The following NCKAP5 variants were observed in gnomAD, a reference collection of about 807,000 sequenced individuals.
The protein encoded by NCKAP5 is nck-associated protein 5.
In NCKAP5, 92 loss-of-function variants were observed where a neutral mutation model predicts 167.0. The ratio of observed to expected loss-of-function variants is 0.55; its 90% CI spans 0.47 to 0.66. The LOEUF (loss-of-function observed/expected upper bound fraction) is 0.66, where lower values mean the gene tolerates loss of function less well. Among genes scored for constraint, NCKAP5 ranks in the 30% least tolerant of loss-of-function variants. The probability of loss-of-function intolerance (pLI) is 0.00; values close to 1 mark genes in which losing one functional copy is unlikely to be tolerated. For synonymous variants in NCKAP5, 891 were observed against 877.4 expected (o/e 1.02, Z -0.27); for missense variants, 2,378 against 2,315.0 (o/e 1.03, Z -0.56).
At chr2:133,029,760 AC>A (rs1447153533) in intron 6 of NCKAP5, among the ~76,000 whole-genome samples, 1 of 152,206 alleles carries the variant, frequency 6.6e-6, no homozygotes, top group African/African-American at 2.4e-5. Context: ...GCTAGGGGAC[AC>A]AAAAAAGAAA....
intron 6 of NCKAP5, among the ~76,000 whole-genome samples, chr2:133,027,315 T>C (rs923990028): frequency 1.3e-5 from 2 of 152,214 alleles, no homozygotes; most frequent in Non-Finnish European, 1.5e-5. Context: ...AGCTCCTAAT[T>C]TAAAGGATTA....
At chr2:133,333,705 C>T (rs1432523258) in intron 3 of NCKAP5, 1 of 152,178 alleles carries the variant, frequency 6.6e-6, no homozygotes, top group Non-Finnish European at 1.5e-5. Flanking sequence ...TGCTGAACAC[C>T]ATGCAAGAGA....
intron 5 of NCKAP5, among the ~76,000 whole-genome samples, chr2:133,212,905 A>G (rs2086270097): frequency 6.6e-6 from 1 of 152,202 alleles, no homozygotes; most frequent in Non-Finnish European, 1.5e-5. Context: ...TGGCCTGTCA[A>G]TTAACTCTCA....
At chr2:133,608,814 T>A in the NCKAP5 span, among the ~76,000 whole-genome samples, 2 of 152,184 alleles carry the variant, frequency 1.3e-5, no homozygotes, top group African/African-American at 4.8e-5. Flanking sequence ...AGATTATTGG[T>A]TTCCCATTAT....
At chr2:133,423,307 T>C (rs1689597100) in intron 3 of NCKAP5, among the ~76,000 whole-genome samples, 1 of 152,172 alleles carries the variant, frequency 6.6e-6, no homozygotes, top group South Asian at 2.1e-4. Context: ...AGTCAGTGAT[T>C]GTAAGCAGAA....
the NCKAP5 span, among the ~76,000 whole-genome samples, chr2:133,589,850 G>A: frequency 1.3e-5 from 2 of 152,188 alleles, no homozygotes; most frequent in African/African-American, 4.8e-5. Flanking sequence ...ATGAAAAGAA[G>A]AGACTTGCTA....
chr2:133,480,608 C>A (rs1039954308), intron 3 of NCKAP5, among the ~76,000 whole-genome samples: 4 of 152,182 alleles, frequency 2.6e-5, no homozygotes, highest in Non-Finnish European at 5.9e-5. Flanking sequence ...TCTCTTCAAT[C>A]CCTTGGGTAG....
intron 17 of NCKAP5, among the ~76,000 whole-genome samples, chr2:132,729,698 C>T (rs1364422678): frequency 6.6e-6 from 1 of 152,152 alleles, no homozygotes; most frequent in Non-Finnish European, 1.5e-5. Flanking sequence ...TTCCCCACTA[C>T]CCATGAAAGT....
intron 8 of NCKAP5, among the ~76,000 whole-genome samples, chr2:132,918,321 G>T (rs1310782737): frequency 1.3e-5 from 2 of 152,124 alleles, no homozygotes; most frequent in Non-Finnish European, 2.9e-5. Flanking sequence ...CTCTACAGAA[G>T]ATATCAGATA....
intron 16 of NCKAP5, among the ~76,000 whole-genome samples, chr2:132,772,503 C>T (rs1682167791): frequency 6.6e-6 from 1 of 152,102 alleles, no homozygotes; most frequent in Admixed American, 6.5e-5. Context: ...TATATTATTT[C>T]ACAGGCCCAA....
Position 132,694,733 on chromosome 2 carries a change from C to T in NCKAP5, c.5714-21428G>A, listed in dbSNP as rs148634004. Among the ~76,000 whole-genome samples the T allele has an allele frequency of 1.2e-4, 18 of 152,292 alleles. No individual in the cohort carries two copies. The East Asian group carries it at 2.9e-3, about 25-fold the overall frequency. Reference sequence around the variant, plus strand: ...GGCATAATGAACAGTGTATGACCAACGCCTCACTTTGAAGCTTTTCCTAAA... The same window carrying T: ...GGCATAATGAACAGTGTATGACCAATGCCTCACTTTGAAGCTTTTCCTAAA... On this transcript the variant is annotated intron_variant, in intron 19 of 19. Coordinates refer to ENST00000409261, the MANE Select transcript of NCKAP5 (RefSeq NM_207363.3).
At chr2:133,208,429 CA>C (rs1233237081) in intron 5 of NCKAP5, among the ~76,000 whole-genome samples, 1 of 152,034 alleles carries the variant, frequency 6.6e-6, no homozygotes, top group Non-Finnish European at 1.5e-5. Context: ...GTTTACTTCC[CA>C]AAAATATACC....
intron 6 of NCKAP5, among the ~76,000 whole-genome samples, chr2:133,023,265 G>A (rs1451251824): frequency 6.6e-6 from 1 of 152,148 alleles, no homozygotes; most frequent in Non-Finnish European, 1.5e-5. Context: ...AAACTTTTAA[G>A]TTTTCTCCAT....
At chr2:133,178,255 T>C (rs1372677264) in intron 5 of NCKAP5, among the ~76,000 whole-genome samples, 1 of 151,792 alleles carries the variant, frequency 6.6e-6, no homozygotes, top group East Asian at 1.9e-4. Context: ...TCCCAGCACT[T>C]TGGGAGGCCG....
intron 19 of NCKAP5, among the ~76,000 whole-genome samples, chr2:132,722,330 G>A (rs974407734): frequency 6.6e-6 from 1 of 152,198 alleles, no homozygotes; most frequent in Non-Finnish European, 1.5e-5. Context: ...ACTGGCAGAG[G>A]AAGGGGTAGG....
chr2:132,683,323 G>A (rs1685495466), intron 19 of NCKAP5, among the ~76,000 whole-genome samples: 1 of 152,180 alleles, frequency 6.6e-6, no homozygotes, highest in African/African-American at 2.4e-5. Context: ...AAGGAGGGCA[G>A]GCAGATTTTA....
chr2:133,330,482 T>C (rs1347424868), intron 3 of NCKAP5, among the ~76,000 whole-genome samples: 5 of 151,854 alleles, frequency 3.3e-5, no homozygotes, highest in South Asian at 4.2e-4. Flanking sequence ...AAAATACATG[T>C]TGTAGCAAGC....
At chr2:132,844,011 A>G (rs1688486587) in intron 11 of NCKAP5, among the ~76,000 whole-genome samples, 1 of 151,700 alleles carries the variant, frequency 6.6e-6, no homozygotes, top group African/African-American at 2.4e-5. Flanking sequence ...TTCCCCTTCC[A>G]GAAATCTCTG....
At chr2:133,228,880 T>G (rs1319937424) in intron 4 of NCKAP5, among the ~76,000 whole-genome samples, 1 of 152,152 alleles carries the variant, frequency 6.6e-6, no homozygotes, top group East Asian at 1.9e-4. Flanking sequence ...TGACCAAATG[T>G]GGACAATATT....
Sources: allele counts gnomAD v4.1 joint callset (sites outside exome capture counted in the v4.1 genomes callset), GRCh38; gene constraint gnomAD v4.1.1; transcripts MANE v1.5; gene names NCBI Gene and HGNC (gene_info 2026-07-23, HGNC 2026-07-21).